Variants in DDX46 observed in about 807,000 individuals in gnomAD.
DDX46 encodes the protein DEAD-box helicase 46, also known as probable ATP-dependent RNA helicase DDX46.
Under a neutral mutation model 134.9 loss-of-function variants are expected in DDX46, and 30 were observed. The ratio of observed to expected loss-of-function variants is 0.22; its 90% CI spans 0.17 to 0.30. The LOEUF (loss-of-function observed/expected upper bound fraction) is 0.30, where lower values mean the gene tolerates loss of function less well. Ranked by LOEUF, DDX46 falls within the 10% of genes least tolerant of loss-of-function variation. The pLI, the probability that DDX46 is intolerant of heterozygous loss-of-function variation, is 1.00. For missense variants in DDX46, 622 were observed against 1,248.7 expected, an observed-to-expected ratio of 0.50 and a Z score of 7.56; for synonymous variants, 415 against 404.1, an observed-to-expected ratio of 1.03 and a Z score of -0.32.
In DDX46 at chr5:134,795,202, T is replaced by TTA. The variant is rs1242718865; in HGVS notation, c.1791+189_1791+190insAT. ...TGTTCCACGGAGCTATTTAAAATGC[T>TTA]TGTTTTTTTTTTTTTTTGTTTTTTT... On this transcript the variant is annotated intron_variant, in intron 14 of 22. Transcript: ENST00000452510. Among the ~76,000 whole-genome samples, 685 of 139,324 alleles carry TTA rather than the reference T, an allele frequency of 4.9e-3. 5 individuals are homozygous for TTA. Among genetic ancestry groups the TTA allele is most frequent in the East Asian group, 0.029 (125 of 4,324 alleles). 91.4% of individuals were successfully genotyped at this position (139,324 alleles called of 152,430 possible). A position where few individuals can be genotyped will look rare whatever the true frequency, so the allele number is the denominator to read the frequency against.
Position 134,829,651 on chromosome 5 carries a change from A to C in DDX46, c.*945A>C, listed in dbSNP as rs1157096730. The C allele has an allele frequency of 1.3e-5, 2 of 152,172 alleles. No individual in the cohort carries two copies. The highest frequency in any genetic ancestry group is 2.9e-5 in the Non-Finnish European group (2 of 68,032). The allele number at this position is 152,172 out of a possible 1,614,324, so 9.4% of individuals were successfully genotyped here. ...GCTTCATCTTAGTGAAATTTAATTC[A>C]CAAGGAATCATAAATTGTGTTTTTG... On this transcript the variant is annotated 3_prime_UTR_variant, in exon 23 of 23. Coordinates refer to ENST00000452510, the MANE Select transcript of DDX46 (RefSeq NM_001300860.2).
In DDX46 at chr5:134,758,813, A is replaced by C. The variant is rs1226425469; in HGVS notation, c.-126A>C. ...TTGGCCGCGCTGGGATGGCCGCCAC[A>C]GCTGTAGGTGCTGCTAGTGTTTAGC... On this transcript the variant is annotated 5_prime_UTR_variant, in exon 1 of 23. Coordinates refer to ENST00000452510, the MANE Select transcript of DDX46 (RefSeq NM_001300860.2). The C allele has an allele frequency of 2.0e-6, 3 of 1,464,634 alleles. No homozygotes were observed. The highest frequency in any genetic ancestry group is 2.8e-6 in the Non-Finnish European group (3 of 1,055,412). 90.7% of individuals were successfully genotyped at this position (1,464,634 alleles called of 1,614,324 possible). A position where few individuals can be genotyped will look rare whatever the true frequency, so the allele number is the denominator to read the frequency against.
At chr5:134,763,076 A>C (rs1296219388) in intron 1 of DDX46, among the ~76,000 whole-genome samples, 1 of 151,826 alleles carries the variant, frequency 6.6e-6, no homozygotes, top group East Asian at 1.9e-4. Context: ...AAAAATAATA[A>C]TAATAATTAG....
chr5:134,828,680 A>G lies in DDX46; in HGVS notation c.3073A>G (p.Asn1025Asp). 6.5e-7 allele frequency: 1 copy of G among 1,531,938 alleles called. No individual in the cohort carries two copies. Among genetic ancestry groups the G allele is most frequent in the Non-Finnish European group, 8.7e-7 (1 of 1,144,810 alleles). 94.9% of individuals were successfully genotyped at this position (1,531,938 alleles called of 1,614,324 possible). A position where few individuals can be genotyped will look rare whatever the true frequency, so the allele number is the denominator to read the frequency against. Residue 1025 changes from asparagine (N) to aspartate (D), a missense_variant, in exon 23 of 23, where the codon AAT becomes GAT. Coordinates refer to ENST00000452510, the MANE Select transcript of DDX46 (RefSeq NM_001300860.2). The stretch of plus-strand genomic sequence containing the variant: ...ACAGCAAAATTCATACCAACCAACA[A>G]ATAAAGGAAGATACAAAGTCTTATA... Reference protein sequence around the residue: ...IRLQNSYQPTNKGRYKVL With the variant: ...IRLQNSYQPTDKGRYKVL
chr5:134,809,298 T>C (rs940357814), intron 16 of DDX46, among the ~76,000 whole-genome samples: 1 of 152,220 alleles, frequency 6.6e-6, no homozygotes, highest in Non-Finnish European at 1.5e-5. Context: ...AAAATGTAAA[T>C]ACTTGTAGCC....
chr5:134,806,479 A>G (rs1754990173), intron 15 of DDX46, among the ~76,000 whole-genome samples: 1 of 152,202 alleles, frequency 6.6e-6, no homozygotes, highest in South Asian at 2.1e-4. Context: ...TTATGTTAGT[A>G]AGGATACTTT....
At chr5:134,808,296 G>A (rs1006685603) in intron 16 of DDX46, among the ~76,000 whole-genome samples, 6 of 152,106 alleles carry the variant, frequency 3.9e-5, no homozygotes, top group African/African-American at 1.4e-4. Context: ...TATACCTGAC[G>A]TACTAAACAT....
rs554717947 is a variant in DDX46, at chr5:134,782,158, A to T, written c.1045+72A>T. On this transcript the variant is annotated intron_variant, in intron 8 of 22. Coordinates refer to ENST00000452510, the MANE Select transcript of DDX46 (RefSeq NM_001300860.2). ...GATACATTTCACATTGCTCAAGAGAAATGTGGATAGTGTCTCATGAAGGAG... is the reference window on the plus strand; with the variant it reads ...GATACATTTCACATTGCTCAAGAGATATGTGGATAGTGTCTCATGAAGGAG... 84 of 1,386,256 alleles carry T rather than the reference A, an allele frequency of 6.1e-5. 1 individual carries two copies. In the South Asian group the frequency reaches 1.2e-3, roughly 19 times the overall value. 85.9% of individuals were successfully genotyped at this position (1,386,256 alleles called of 1,614,324 possible).
At chr5:134,804,123 G>A (rs1754914716) in intron 15 of DDX46, among the ~76,000 whole-genome samples, 2 of 151,656 alleles carry the variant, frequency 1.3e-5, no homozygotes, top group Admixed American at 1.3e-4. Flanking sequence ...TGTAAAGATG[G>A]GTTTTTGCTA....
At chr5:134,816,775 C>G (rs1043801516) in intron 19 of DDX46, 169 bp downstream of exon 19, 6 of 687,408 alleles carry the variant, frequency 8.7e-6, no homozygotes, top group African/African-American at 7.3e-5. Flanking sequence ...GATGATTTCT[C>G]AGTGCTATTG....
At chr5:134,803,700 A>G (rs1376706916) in intron 15 of DDX46, among the ~76,000 whole-genome samples, 1 of 151,900 alleles carries the variant, frequency 6.6e-6, no homozygotes, top group African/African-American at 2.4e-5. Context: ...GTTGCTCTTT[A>G]TTTTGCCCAG....
chr5:134,823,157 CTTT>C, intron 21 of DDX46, among the ~76,000 whole-genome samples: 1 of 111,214 alleles, frequency 9.0e-6, no homozygotes, highest in African/African-American at 3.4e-5. Flanking sequence ...TTAATTTCAT[CTTT>C]TTTTTTTTTT....
At chr5:134,790,734 T>C (rs1754477180) in intron 13 of DDX46, among the ~76,000 whole-genome samples, 182 bp downstream of exon 13, 1 of 152,220 alleles carries the variant, frequency 6.6e-6, no homozygotes, top group African/African-American at 2.4e-5. Context: ...CTCACAAAAC[T>C]TCTTCAGGAG....
At chr5:134,780,278 A>G (rs1008637305) in intron 6 of DDX46, among the ~76,000 whole-genome samples, 33 of 150,314 alleles carry the variant, frequency 2.2e-4, no homozygotes, top group African/African-American at 6.8e-4. Flanking sequence ...TGTTATATAT[A>G]ATTGGCTGGG....
intron 13 of DDX46, among the ~76,000 whole-genome samples, chr5:134,791,975 C>T (rs1249327974): frequency 6.6e-6 from 1 of 152,220 alleles, no homozygotes; most frequent in African/African-American, 2.4e-5. Context: ...GTCAGGAGAT[C>T]AGCCTAGCCT....
At chr5:134,800,809 G>A (rs1052911495) in intron 15 of DDX46, among the ~76,000 whole-genome samples, 22 of 152,064 alleles carry the variant, frequency 1.4e-4, no homozygotes, top group Non-Finnish European at 5.9e-5. Flanking sequence ...CTAAGTAGCT[G>A]GGATTACCGG....
At chr5:134,761,819 C>CTT (rs1473469431) in intron 1 of DDX46, among the ~76,000 whole-genome samples, 1 of 152,140 alleles carries the variant, frequency 6.6e-6, no homozygotes, top group African/African-American at 2.4e-5. Flanking sequence ...AATCTTTCCA[C>CTT]CTTCCATTTT....
intron 13 of DDX46, among the ~76,000 whole-genome samples, chr5:134,792,635 T>C (rs1315729844): frequency 2.6e-5 from 4 of 152,186 alleles, no homozygotes; most frequent in East Asian, 1.9e-4. Context: ...CAAGTTCTTA[T>C]AGAGTGAGTT....
chr5:134,800,877 T>C (rs1005043376), intron 15 of DDX46, among the ~76,000 whole-genome samples: 2 of 152,170 alleles, frequency 1.3e-5, no homozygotes, highest in Non-Finnish European at 2.9e-5. Flanking sequence ...GTTGTCGTCA[T>C]GTTGGTCAGG....
Sources: gnomAD v4.1 joint callset for allele counts (sites outside exome capture counted in the v4.1 genomes callset) on GRCh38, gnomAD v4.1.1 for gene constraint, MANE v1.5 for transcripts, NCBI Gene and HGNC (gene_info 2026-07-23, HGNC 2026-07-21) for gene names.